RP1: variants seen among roughly 807,000 people sequenced by gnomAD.
RP1 encodes RP1 axonemal microtubule associated.
RP1 carries 16 observed loss-of-function variants against 14.8 expected under a neutral mutation model. The observed-to-expected ratio is 1.08, with a 90% confidence interval of 0.73 to 1.65. The LOEUF is 1.65. RP1 is among the 40% of genes most tolerant of loss of function. The pLI is 0.00. For missense variants in RP1, 2,631 were observed against 2,535.0 expected, an observed-to-expected ratio of 1.04 and a Z score of -0.81; for synonymous variants, 876 against 883.6, an observed-to-expected ratio of 0.99 and a Z score of 0.15.
chr8:54,812,173 C>T (rs1811013695), intron 24 of RP1, among the ~76,000 whole-genome samples: 2 of 152,208 alleles, frequency 1.3e-5, no homozygotes, highest in Admixed American at 1.3e-4. Flanking sequence ...CAGAATCTCA[C>T]TCTGTCGCCC....
At chr8:54,774,834 C>T (rs1256061443), downstream of RP1, among the ~76,000 whole-genome samples, 2 of 152,168 alleles carry the variant, frequency 1.3e-5, no homozygotes, top group Admixed American at 6.5e-5. Flanking sequence ...ACTCCTCAAT[C>T]GCTTTGTGTT....
intron 6 of RP1, among the ~76,000 whole-genome samples, chr8:54,659,746 T>C (rs961408357): frequency 2.6e-5 from 4 of 152,232 alleles, no homozygotes. Context: ...TTTTTTCCTA[T>C]TTCTGTAAAA....
At chr8:54,806,367 A>G (rs986081073) in intron 24 of RP1, among the ~76,000 whole-genome samples, 2 of 151,986 alleles carry the variant, frequency 1.3e-5, no homozygotes, top group South Asian at 2.1e-4. Context: ...TTAGCGATGG[A>G]CATCCTTTCA....
intron 7 of RP1, among the ~76,000 whole-genome samples, chr8:54,670,055 G>GA (rs1240000575): frequency 6.6e-6 from 1 of 151,528 alleles, no homozygotes; most frequent in Non-Finnish European, 1.5e-5. Flanking sequence ...AATAAAAACA[G>GA]AAAAAAAGAG....
intron 4 of RP1, among the ~76,000 whole-genome samples, chr8:54,652,000 T>C (rs1806664310): frequency 7.5e-6 from 1 of 132,742 alleles, no homozygotes. Flanking sequence ...GAGTATGTTC[T>C]TTAATTTACA....
At chr8:54,856,281 T>A (rs1399755467) in intron 26 of RP1, among the ~76,000 whole-genome samples, 1 of 152,026 alleles carries the variant, frequency 6.6e-6, no homozygotes, top group Non-Finnish European at 1.5e-5. Flanking sequence ...ATAGTGGATA[T>A]CGTTTGGGGA....
intron 16 of RP1, among the ~76,000 whole-genome samples, chr8:54,721,980 C>T (rs1808546955): frequency 6.6e-6 from 1 of 152,060 alleles, no homozygotes; most frequent in Non-Finnish European, 1.5e-5. Flanking sequence ...CTGTGGCTCA[C>T]GCTTATAATC....
At chr8:54,686,549 G>C (rs1208145558) in intron 12 of RP1, among the ~76,000 whole-genome samples, 1 of 152,152 alleles carries the variant, frequency 6.6e-6, no homozygotes, top group Non-Finnish European at 1.5e-5. Context: ...CACACAGCAT[G>C]AGAAGTTCTT....
upstream of RP1, among the ~76,000 whole-genome samples, chr8:54,614,923 A>G (rs1805680741): frequency 6.6e-6 from 1 of 152,204 alleles, no homozygotes; most frequent in Non-Finnish European, 1.5e-5. Context: ...TTAAAGATAA[A>G]GTCAAGAGAA....
At chr8:54,598,731 G>A (rs921536054) in intron 1 of RP1, among the ~76,000 whole-genome samples, 2 of 152,072 alleles carry the variant, frequency 1.3e-5, no homozygotes, top group Non-Finnish European at 2.9e-5. Context: ...TATTTTTGCC[G>A]GACATAGAAC....
intron 24 of RP1, among the ~76,000 whole-genome samples, chr8:54,793,877 A>G (rs1810522929): frequency 6.6e-6 from 1 of 151,950 alleles, no homozygotes; most frequent in South Asian, 2.1e-4. Flanking sequence ...GAAGGAAGTA[A>G]AATCATCTGT....
intron 1 of RP1, among the ~76,000 whole-genome samples, chr8:54,580,469 G>A (rs1804762498): frequency 6.6e-6 from 1 of 150,614 alleles, no homozygotes; most frequent in South Asian, 2.1e-4. Flanking sequence ...ACCACGCCCA[G>A]CTAATTTTTG....
chr8:54,780,514 C>T (rs1380950841), intron 23 of RP1, among the ~76,000 whole-genome samples: 1 of 152,204 alleles, frequency 6.6e-6, no homozygotes, highest in Non-Finnish European at 1.5e-5. Flanking sequence ...GCCTACATTA[C>T]ACTTGATGTT....
chr8:54,830,616 T>A (rs1445625046), intron 24 of RP1, among the ~76,000 whole-genome samples: 1 of 152,176 alleles, frequency 6.6e-6, no homozygotes, highest in Admixed American at 6.5e-5. Context: ...AGCATATTGT[T>A]AGATGTTACT....
At chr8:54,817,497 C>T (rs1811161316) in intron 24 of RP1, among the ~76,000 whole-genome samples, 1 of 152,052 alleles carries the variant, frequency 6.6e-6, no homozygotes, top group African/African-American at 2.4e-5. Flanking sequence ...ATGAGCCTGT[C>T]TAGAAGGCAG....
intron 1 of RP1, among the ~76,000 whole-genome samples, chr8:54,601,729 T>C (rs962878791): frequency 6.6e-6 from 1 of 151,230 alleles, no homozygotes; most frequent in African/African-American, 2.4e-5. Flanking sequence ...ATAAATAAAA[T>C]ACAATAAAAT....
chr8:54,583,288 A>T (rs193001237), intron 1 of RP1, among the ~76,000 whole-genome samples: 2 of 152,156 alleles, frequency 1.3e-5, no homozygotes, highest in Admixed American at 6.6e-5. Flanking sequence ...TTCTGTTTAT[A>T]TGCTGGATTA....
At chr8:54,650,706 C>T (rs889902144) in intron 4 of RP1, among the ~76,000 whole-genome samples, 2 of 144,246 alleles carry the variant, frequency 1.4e-5, no homozygotes, top group African/African-American at 5.1e-5. Context: ...CCCTCCCCTC[C>T]TCTTCCTTTC....
intron 24 of RP1, among the ~76,000 whole-genome samples, chr8:54,813,142 A>T (rs1811050953): frequency 6.6e-6 from 1 of 152,220 alleles, no homozygotes; most frequent in African/African-American, 2.4e-5. Context: ...TTACACCTAA[A>T]TTGTCTCGAG....
Sources: allele counts gnomAD v4.1 joint callset (sites outside exome capture counted in the v4.1 genomes callset), GRCh38; gene constraint gnomAD v4.1.1; transcripts MANE v1.5; gene names NCBI Gene and HGNC (gene_info 2026-07-23, HGNC 2026-07-21).